Variants in ZDHHC21 observed in about 807,000 individuals in gnomAD.
The protein encoded by ZDHHC21 is palmitoyltransferase ZDHHC21.
Under a neutral mutation model 34.6 loss-of-function variants are expected in ZDHHC21, and 15 were observed. The observed-to-expected ratio is 0.43, with a 90% CI of 0.29 to 0.67. The LOEUF is 0.67. Ranked by LOEUF, ZDHHC21 falls within the 30% of genes least tolerant of loss-of-function variation. The pLI, the probability that ZDHHC21 is intolerant of heterozygous loss-of-function variation, is 0.14. For missense variants in ZDHHC21, 344 were observed against 327.7 expected, an observed-to-expected ratio of 1.05 and a Z score of -0.38; for synonymous variants, 142 against 101.8, an observed-to-expected ratio of 1.40 and a Z score of -2.38.
chr9:14,652,945 C>T (rs1321004533), intron 7 of ZDHHC21, among the ~76,000 whole-genome samples: 1 of 151,950 alleles, frequency 6.6e-6, no homozygotes, highest in African/African-American at 2.4e-5. Flanking sequence ...TACTATGCTG[C>T]CACCTATCTA....
intron 8 of ZDHHC21, among the ~76,000 whole-genome samples, chr9:14,630,160 A>G (rs1182163010): frequency 6.6e-6 from 1 of 152,244 alleles, no homozygotes; most frequent in Non-Finnish European, 1.5e-5. Flanking sequence ...TACCCACAGT[A>G]GGACTTCGTT....
intron 8 of ZDHHC21, among the ~76,000 whole-genome samples, chr9:14,631,292 GAA>G (rs1487209016): frequency 6.6e-6 from 1 of 152,152 alleles, no homozygotes; most frequent in Non-Finnish European, 1.5e-5. Context: ...TAAGCCTTAA[GAA>G]CAAACTTATG....
chr9:14,662,135 T>C (rs997185776), intron 6 of ZDHHC21, 80 bp downstream of exon 6: 10 of 904,894 alleles, frequency 1.1e-5, no homozygotes, highest in African/African-American at 3.4e-5. Context: ...AACATAACTG[T>C]TGTTTAAAGC....
rs1237623215 is a variant in ZDHHC21 at position 14,618,033 on chromosome 9, A to C, written c.*933T>G. ...AGTATACTCTTTTCAAAAGCACAAT[A>C]TTCCTCTTTATACTGTACATTATAT... is the stretch of plus-strand genomic sequence containing the variant. On this transcript the variant is annotated 3_prime_UTR_variant, in exon 10 of 10. Transcript: ENST00000380916. 6.6e-6 allele frequency: 1 copy of C among 152,476 alleles called. No homozygotes were observed. The highest frequency in any genetic ancestry group is 1.5e-5 in the Non-Finnish European group (1 of 67,982). 9.4% of individuals were successfully genotyped at this position (152,476 alleles called of 1,614,324 possible).
chr9:14,659,055 A>C (rs997345979), intron 6 of ZDHHC21, among the ~76,000 whole-genome samples, 168 bp from the exon 7 acceptor site: 3 of 152,222 alleles, frequency 2.0e-5, no homozygotes, highest in Admixed American at 2.0e-4. Flanking sequence ...AACTATAAAT[A>C]TACCATCTTA....
At chr9:14,667,379 G>A (rs938699127) in intron 5 of ZDHHC21, among the ~76,000 whole-genome samples, 2 of 151,840 alleles carry the variant, frequency 1.3e-5, no homozygotes, top group Non-Finnish European at 2.9e-5. Flanking sequence ...ACCAAAAAGA[G>A]TCCAGGACCA....
intron 7 of ZDHHC21, among the ~76,000 whole-genome samples, chr9:14,651,314 T>A (rs1831202092): frequency 1.3e-5 from 2 of 152,042 alleles, no homozygotes; most frequent in South Asian, 2.1e-4. Context: ...TTTAATATTA[T>A]TAATCCTACA....
chr9:14,681,880 A>T (rs1475242033), intron 2 of ZDHHC21, among the ~76,000 whole-genome samples: 1 of 152,134 alleles, frequency 6.6e-6, no homozygotes, highest in African/African-American at 2.4e-5. Context: ...AACGGGGGCC[A>T]ATATTCAACA....
chr9:14,667,735 A>G (rs368999849), intron 5 of ZDHHC21, among the ~76,000 whole-genome samples: 1 of 75,818 alleles, frequency 1.3e-5, no homozygotes, highest in Non-Finnish European at 2.7e-5. Context: ...TATAAACAGA[A>G]CCAAAGACAA....
chr9:14,604,036 A>T, the ZDHHC21 span, among the ~76,000 whole-genome samples: 1 of 152,176 alleles, frequency 6.6e-6, no homozygotes, highest in Non-Finnish European at 1.5e-5. Context: ...TTCCTGGCAA[A>T]TCGATTGGAC....
chr9:14,635,878 T>C (rs949699422), intron 8 of ZDHHC21, among the ~76,000 whole-genome samples: 3 of 151,936 alleles, frequency 2.0e-5, no homozygotes, highest in African/African-American at 7.3e-5. Flanking sequence ...TTATAAAAAA[T>C]TAATTAAAAA....
chr9:14,655,621 T>C lies in ZDHHC21; in HGVS notation c.504+3128A>G, dbSNP rs151194602. On this transcript the variant is annotated intron_variant, in intron 7 of 9. Transcript: ENST00000380916. ...TGCACAATGGTAAAGTACTAACTTATATTATACTTCAAAAAAATCAGAATA... is the reference window on the plus strand; with the variant it reads ...TGCACAATGGTAAAGTACTAACTTACATTATACTTCAAAAAAATCAGAATA... 6.2e-4 allele frequency among the ~76,000 whole-genome samples: 94 copies of C among 152,028 alleles called. No individual in the cohort carries two copies. In the East Asian group the frequency reaches 0.017, roughly 28 times the overall value.
At chr9:14,591,726 A>C in the ZDHHC21 span, among the ~76,000 whole-genome samples, 2 of 152,160 alleles carry the variant, frequency 1.3e-5, no homozygotes, top group Non-Finnish European at 2.9e-5. Flanking sequence ...GAAAAAAGCC[A>C]ATTTCACTCA....
Position 14,617,451 on chromosome 9 carries a change from A to G in ZDHHC21, c.*1515T>C, listed in dbSNP as rs1054751571. On this transcript the variant is annotated 3_prime_UTR_variant, in exon 10 of 10. Coordinates refer to ENST00000380916, the MANE Select transcript of ZDHHC21 (RefSeq NM_178566.6). ...GAAAGAACTAACCACAGTATAGCCAACTGGCTGACAATGGTAACCTTCTGT... is the reference window on the plus strand; with the variant it reads ...GAAAGAACTAACCACAGTATAGCCAGCTGGCTGACAATGGTAACCTTCTGT... The G allele has an allele frequency of 2.0e-5, 3 of 152,018 alleles. No homozygotes were observed. Among genetic ancestry groups the G allele is most frequent in the Non-Finnish European group, 2.9e-5 (2 of 67,930 alleles). The allele number at this position is 152,018 out of a possible 1,614,324, so 9.4% of individuals were successfully genotyped here. A position where few individuals can be genotyped will look rare whatever the true frequency, so the allele number is the denominator to read the frequency against.
At position 14,612,178 on chromosome 9, in the gene ZDHHC21, C is replaced by G. The variant is rs1823411946; in HGVS notation, c.*6788G>C. On this transcript the variant is annotated 3_prime_UTR_variant, in exon 10 of 10. Coordinates refer to ENST00000380916, the MANE Select transcript of ZDHHC21 (RefSeq NM_178566.6). ...GATTTCTACATATCGTTCAAATGAT[C>G]TGAAGCCACATTTCACATAAATTTC... is the stretch of plus-strand genomic sequence containing the variant. 1 of 152,042 alleles carries G rather than the reference C, an allele frequency of 6.6e-6. No individual in the cohort carries two copies. Among genetic ancestry groups the G allele is most frequent in the Non-Finnish European group, 1.5e-5 (1 of 67,946 alleles). 9.4% of individuals were successfully genotyped at this position (152,042 alleles called of 1,614,324 possible). A position where few individuals can be genotyped will look rare whatever the true frequency, so the allele number is the denominator to read the frequency against.
In ZDHHC21 at chr9:14,663,060, G is replaced by T. The variant is rs187804388; in HGVS notation, c.254-734C>A. Among the ~76,000 whole-genome samples, 18 of 152,270 alleles carry T rather than the reference G, an allele frequency of 1.2e-4. No homozygotes were observed. The East Asian group carries it at 3.5e-3, about 29-fold the overall frequency. ...CTGGAGTGAAACAGCACACGATTAA[G>T]CTCTGTGCCAAAAACACAAAGTTTG... On this transcript the variant is annotated intron_variant, in intron 5 of 9. Transcript: ENST00000380916.
intron 7 of ZDHHC21, among the ~76,000 whole-genome samples, chr9:14,644,811 C>T (rs949546782): frequency 7.0e-6 from 1 of 143,844 alleles, no homozygotes; most frequent in African/African-American, 2.6e-5. Context: ...TACACACATA[C>T]ATATGTATAC....
intron 4 of ZDHHC21, among the ~76,000 whole-genome samples, chr9:14,673,359 A>G (rs773433688): frequency 3.3e-5 from 5 of 152,046 alleles, no homozygotes; most frequent in African/African-American, 1.2e-4. Context: ...GTGATGTTCA[A>G]CTGTCCCTTT....
At chr9:14,633,613 A>G (rs1441790107) in intron 8 of ZDHHC21, among the ~76,000 whole-genome samples, 3 of 152,034 alleles carry the variant, frequency 2.0e-5, no homozygotes, top group Non-Finnish European at 4.4e-5. Context: ...ACATTTCTGG[A>G]GCCCCACTGA....
Sources: allele counts gnomAD v4.1 joint callset (sites outside exome capture counted in the v4.1 genomes callset), GRCh38; gene constraint gnomAD v4.1.1; transcripts MANE v1.5; gene names NCBI Gene and HGNC (gene_info 2026-07-23, HGNC 2026-07-21).